The following CSMD3 variants were observed in gnomAD, a reference collection of about 807,000 sequenced individuals.
CSMD3 encodes the protein CUB and sushi domain-containing protein 3.
In CSMD3, 177 loss-of-function variants were observed where a neutral mutation model predicts 435.2. The observed-to-expected ratio is 0.41, with a 90% CI of 0.36 to 0.46. CSMD3 has a LOEUF of 0.46. Ranked by LOEUF, CSMD3 falls within the 20% of genes least tolerant of loss-of-function variation. The pLI, the probability that CSMD3 is intolerant of heterozygous loss-of-function variation, is 0.34. For synonymous variants in CSMD3, 1,656 were observed against 1,520.5 expected, an observed-to-expected ratio of 1.09 and a Z score of -2.07; for missense variants, 4,265 against 4,504.6, an observed-to-expected ratio of 0.95 and a Z score of 1.52.
chr8:113,165,199 A>G (rs1305401235), intron 4 of CSMD3, among the ~76,000 whole-genome samples: 3 of 152,172 alleles, frequency 2.0e-5, no homozygotes, highest in Non-Finnish European at 4.4e-5. Flanking sequence ...GGCCTATATA[A>G]TCATATGAAT....
At chr8:112,359,716 G>T (rs899297294) in intron 38 of CSMD3, among the ~76,000 whole-genome samples, 1 of 152,020 alleles carries the variant, frequency 6.6e-6, no homozygotes, top group Admixed American at 6.6e-5. Flanking sequence ...GAGTAAAGTG[G>T]TCATTTGGGA....
intron 4 of CSMD3, among the ~76,000 whole-genome samples, chr8:113,138,810 AGTGTGTGTGTGT>A (rs34755068): frequency 6.9e-6 from 1 of 145,630 alleles, no homozygotes; most frequent in African/African-American, 2.5e-5. Context: ...TAAACGTGTT[AGTGTGTGTGTGT>A]GTGTGTGTGT....
chr8:112,528,117 C>T (rs115959547), intron 27 of CSMD3, among the ~76,000 whole-genome samples: 8 of 152,190 alleles, frequency 5.3e-5, no homozygotes, highest in African/African-American at 1.9e-4. Context: ...ATGCAAGTTG[C>T]AAGTTCATCA....
intron 32 of CSMD3, among the ~76,000 whole-genome samples, chr8:112,446,842 T>A (rs2130556133): frequency 6.6e-6 from 1 of 152,322 alleles, no homozygotes; most frequent in African/African-American, 2.4e-5. Flanking sequence ...GTTTCAGTTT[T>A]GATAGCCTCC....
chr8:113,245,428 T>C (rs1317308963), intron 3 of CSMD3, among the ~76,000 whole-genome samples: 1 of 152,172 alleles, frequency 6.6e-6, no homozygotes, highest in East Asian at 1.9e-4. Context: ...TGAGTTATTC[T>C]CTTAGAGCTT....
chr8:112,972,847 T>C (rs775292025), intron 7 of CSMD3, among the ~76,000 whole-genome samples: 13 of 151,746 alleles, frequency 8.6e-5, no homozygotes, highest in Non-Finnish European at 1.6e-4. Flanking sequence ...TACAGGAAAA[T>C]TTATAGGGCT....
rs77353164 is a variant in CSMD3, at chr8:113,260,347, C to A, written c.514+18245G>T. Among the ~76,000 whole-genome samples, 783 of 152,230 alleles carry A rather than the reference C, an allele frequency of 5.1e-3. 11 individuals are homozygous for A. Among genetic ancestry groups the A allele is most frequent in the African/African-American group, 0.018 (756 of 41,550 alleles). ...TCAATAAATGGCAACACGTTTTGTT[C>A]AGTTATTCATGTTCAAACCTTCATA... On this transcript the variant is annotated intron_variant, in intron 3 of 70. Coordinates refer to ENST00000297405, the MANE Select transcript of CSMD3 (RefSeq NM_198123.2).
intron 22 of CSMD3, among the ~76,000 whole-genome samples, chr8:112,623,922 T>C (rs1834278151): frequency 6.6e-6 from 1 of 152,008 alleles, no homozygotes; most frequent in African/African-American, 2.4e-5. Context: ...GAAGGCTAAA[T>C]TTCAAAAGGC....
chr8:112,466,221 C>CTTAAGA (rs1817944283), intron 32 of CSMD3, among the ~76,000 whole-genome samples: 1 of 152,012 alleles, frequency 6.6e-6, no homozygotes, highest in Non-Finnish European at 1.5e-5. Flanking sequence ...AGTATTCATT[C>CTTAAGA]ATTACTGAAA....
At chr8:112,495,057 T>C (rs1821199759) in intron 30 of CSMD3, among the ~76,000 whole-genome samples, 1 of 152,150 alleles carries the variant, frequency 6.6e-6, no homozygotes, top group Admixed American at 6.5e-5. Flanking sequence ...ACAACTCTTT[T>C]TATGAAAGAA....
At chr8:112,239,217 C>A (rs187616719) in intron 66 of CSMD3, among the ~76,000 whole-genome samples, 2 of 152,148 alleles carry the variant, frequency 1.3e-5, no homozygotes, top group Admixed American at 6.6e-5. Context: ...TCCCTGGAGT[C>A]TCTCTGAATC....
chr8:113,328,437 C>CA (rs1192557099), intron 1 of CSMD3, among the ~76,000 whole-genome samples: 2,376 of 62,540 alleles, frequency 0.038, 36 homozygotes, highest in South Asian at 0.073. Flanking sequence ...GACTCCGTCT[C>CA]AAAAAAAAAA....
chr8:112,936,089 T>A (rs1031170679), intron 9 of CSMD3, among the ~76,000 whole-genome samples: 1 of 152,090 alleles, frequency 6.6e-6, no homozygotes, highest in African/African-American at 2.4e-5. Context: ...AAAAAAATGC[T>A]AATATAGTCT....
intron 22 of CSMD3, among the ~76,000 whole-genome samples, chr8:112,633,431 TAGACATC>T (rs1170089271): frequency 2.0e-5 from 3 of 152,060 alleles, no homozygotes; most frequent in Non-Finnish European, 4.4e-5. Flanking sequence ...AGTATTTTTA[TAGACATC>T]ATATCTTTAC....
intron 28 of CSMD3, 123 bp from the exon 29 acceptor site, chr8:112,506,952 G>A (rs113891501): frequency 1.3e-6 from 1 of 797,408 alleles, no homozygotes; most frequent in Non-Finnish European, 2.1e-6. Context: ...GAATTTTATA[G>A]TACTTGATGC....
intron 7 of CSMD3, among the ~76,000 whole-genome samples, chr8:112,956,533 G>A (rs1436563052): frequency 1.3e-5 from 2 of 152,014 alleles, no homozygotes; most frequent in African/African-American, 2.4e-5. Context: ...GACTTTATAA[G>A]TATTAAAAAT....
At chr8:112,841,851 G>T (rs1226461289) in intron 11 of CSMD3, among the ~76,000 whole-genome samples, 2 of 151,784 alleles carry the variant, frequency 1.3e-5, no homozygotes, top group East Asian at 3.9e-4. Context: ...TAATATCATT[G>T]ATGTGGGTGA....
chr8:112,283,275 C>T lies in CSMD3; in HGVS notation c.9332-1925G>A, dbSNP rs553209467. 7.2e-5 allele frequency among the ~76,000 whole-genome samples: 11 copies of T among 151,754 alleles called. No homozygotes were observed. In the South Asian group the frequency reaches 2.3e-3, roughly 31 times the overall value. Reference sequence around the variant, plus strand: ...GTAAATTGAATTTTTTTTTGTGATGCATCTTTATAGGAAGTATATTTTATA... The same window carrying T: ...GTAAATTGAATTTTTTTTTGTGATGTATCTTTATAGGAAGTATATTTTATA... On this transcript the variant is annotated intron_variant, in intron 58 of 70. Coordinates refer to ENST00000297405, the MANE Select transcript of CSMD3 (RefSeq NM_198123.2).
chr8:113,414,336 A>G (rs1338140551), intron 1 of CSMD3, among the ~76,000 whole-genome samples: 3 of 152,166 alleles, frequency 2.0e-5, no homozygotes, highest in Non-Finnish European at 4.4e-5. Flanking sequence ...ACTTTGCTTT[A>G]TCATATAAGA....
Sources: allele counts gnomAD v4.1 joint callset (sites outside exome capture counted in the v4.1 genomes callset), GRCh38; gene constraint gnomAD v4.1.1; transcripts MANE v1.5; gene names NCBI Gene and HGNC (gene_info 2026-07-23, HGNC 2026-07-21).